GNPDA2: variants seen among roughly 807,000 people sequenced by gnomAD.
GNPDA2 encodes glucosamine-6-phosphate deaminase 2.
A neutral mutation model predicts 27.0 loss-of-function variants in GNPDA2; 24 were observed. The observed-to-expected ratio is 0.89, with a 90% CI of 0.64 to 1.25. GNPDA2 has a LOEUF of 1.25. Ranked by LOEUF, GNPDA2 falls within the 50% of genes most tolerant of loss-of-function variation. The pLI is 0.00. For missense variants in GNPDA2, 286 were observed against 335.1 expected (o/e 0.85, Z 1.14); for synonymous variants, 94 against 108.4 (o/e 0.87, Z 0.83).
intron 2 of GNPDA2, among the ~76,000 whole-genome samples, chr4:44,721,056 GA>G (rs11345999): frequency 0.53 from 77,125 of 144,550 alleles, 21,253 homozygotes; most frequent in Non-Finnish European, 0.64. Flanking sequence ...TGTGTCCAGT[GA>G]AAAAAAAAAA....
chr4:44,717,533 AAC>A (rs1254171750), intron 3 of GNPDA2, among the ~76,000 whole-genome samples: 4 of 151,840 alleles, frequency 2.6e-5, no homozygotes, highest in African/African-American at 7.2e-5. Context: ...GAACAATTGA[AAC>A]ACAAGAATCT....
chr4:44,710,727 A>G (rs1019306074), intron 5 of GNPDA2, among the ~76,000 whole-genome samples: 28 of 152,178 alleles, frequency 1.8e-4, no homozygotes, highest in African/African-American at 6.8e-4. Context: ...GTGAAATAGT[A>G]CCTCAAAAGT....
intron 4 of GNPDA2, among the ~76,000 whole-genome samples, chr4:44,715,789 C>T (rs1203172558): frequency 6.6e-6 from 1 of 152,002 alleles, no homozygotes; most frequent in African/African-American, 2.4e-5. Flanking sequence ...CTCCAATAAA[C>T]AACCATTCTA....
chr4:44,704,464 T>C (rs1048658070), intron 6 of GNPDA2: 2 of 838,614 alleles, frequency 2.4e-6, no homozygotes, highest in African/African-American at 3.7e-5. Flanking sequence ...TCAGTAAATA[T>C]TAAAAATTCA....
At chr4:44,711,251 C>A in intron 4 of GNPDA2, 114 bp from the exon 5 acceptor site, 1 of 542,802 alleles carries the variant, frequency 1.8e-6, no homozygotes, top group South Asian at 5.0e-5. Flanking sequence ...ACTTGAATTC[C>A]TATTACTGCA....
intron 1 of GNPDA2, 28 bp from the exon 2 acceptor site, chr4:44,722,270 T>A (rs1486101866): frequency 6.5e-7 from 1 of 1,536,198 alleles, no homozygotes; most frequent in East Asian, 2.3e-5. Context: ...TAGAACACTT[T>A]ACATAATAAA....
intron 6 of GNPDA2, chr4:44,704,291 T>C (rs564812897): frequency 2.0e-6 from 2 of 983,190 alleles, no homozygotes; most frequent in Non-Finnish European, 1.2e-6. Flanking sequence ...ACAACAAAGA[T>C]AAGGGTAATA....
At chr4:44,710,497 T>C (rs1315990926) in intron 5 of GNPDA2, among the ~76,000 whole-genome samples, 1 of 152,198 alleles carries the variant, frequency 6.6e-6, no homozygotes, top group Non-Finnish European at 1.5e-5. Context: ...GTTGCAGCCC[T>C]AGCTGAGTTC....
chr4:44,706,638 A>AC (rs1716623683), intron 6 of GNPDA2: 1 of 151,878 alleles, frequency 6.6e-6, no homozygotes, highest in Non-Finnish European at 1.5e-5. Context: ...TGTAAGACAC[A>AC]CCATTTTATG....
Position 44,702,001 on chromosome 4 carries a change from T to C in GNPDA2, c.*1080A>G. On this transcript the variant is annotated 3_prime_UTR_variant, in exon 7 of 7. Coordinates refer to ENST00000295448, the MANE Select transcript of GNPDA2 (RefSeq NM_138335.3). ...TGCAAAATAAGCAAAAGGAGCATTT[T>C]TTTGCTCCCCACAGAGGCAAAGACA... The C allele has an allele frequency of 1.0e-6, 1 of 985,268 alleles. No individual in the cohort carries two copies. The highest frequency in any genetic ancestry group is 1.2e-6 in the Non-Finnish European group (1 of 829,644). 61.0% of individuals were successfully genotyped at this position (985,268 alleles called of 1,614,324 possible).
chr4:44,714,595 C>G, intron 4 of GNPDA2: 3 of 981,278 alleles, frequency 3.1e-6, no homozygotes, highest in Non-Finnish European at 3.6e-6. Context: ...TTCAACTTTA[C>G]CTTTAATAAA....
chr4:44,717,198 G>T lies in GNPDA2; in HGVS notation c.324C>A (p.Asp108Glu). Residue 108 changes from aspartate (D) to glutamate (E), a missense_variant, in exon 4 of 7, where the codon GAC becomes GAA. Transcript: ENST00000295448. ...DIDPNNAHIL[D>E]GNAADLQAEC... ...CTGCTTGTAAATCTGCAGCATTCCCGTCAAGGATATGTGCATTATTAGGAT... is the reference window on the plus strand; with the variant it reads ...CTGCTTGTAAATCTGCAGCATTCCCTTCAAGGATATGTGCATTATTAGGAT... The T allele has an allele frequency of 6.2e-7, 1 of 1,604,868 alleles. No individual in the cohort carries two copies. Among genetic ancestry groups the T allele is most frequent in the Non-Finnish European group, 8.5e-7 (1 of 1,173,832 alleles).
Position 44,707,907 on chromosome 4 carries a change from CCT to C in GNPDA2, c.612_613del (p.Ala206ThrfsTer35), listed in dbSNP as rs749990000. ...GTACAGGGCAAATGCCTTGTGTGCC[CCT>C]GTTATAAGGATCATTACCTGAAAAA... On this transcript the variant is annotated frameshift_variant, in exon 6 of 7. Coordinates refer to ENST00000295448, the MANE Select transcript of GNPDA2 (RefSeq NM_138335.3). LOFTEE classifies it high-confidence loss of function. 12 of 1,599,506 alleles carry C rather than the reference CCT, an allele frequency of 7.5e-6. No individual in the cohort carries two copies. The highest frequency in any genetic ancestry group is 1.7e-4 in the Middle Eastern group (1 of 6,026).
intron 6 of GNPDA2, chr4:44,703,411 T>C (rs1180069806): frequency 1.7e-6 from 2 of 1,175,782 alleles, no homozygotes; most frequent in Non-Finnish European, 2.1e-6. Context: ...GCATTTCTTG[T>C]CTTCAAAGAG....
chr4:44,711,571 C>T (rs977155187), intron 4 of GNPDA2, among the ~76,000 whole-genome samples: 4 of 152,078 alleles, frequency 2.6e-5, no homozygotes, highest in African/African-American at 9.7e-5. Context: ...TGGGTAAATA[C>T]TGAGACAGGA....
Position 44,702,960 on chromosome 4 carries a change from A to C in GNPDA2, c.*121T>G. The C allele has an allele frequency of 6.5e-7, 1 of 1,533,512 alleles. No individual in the cohort carries two copies. Among genetic ancestry groups the C allele is most frequent in the African/African-American group, 1.4e-5 (1 of 71,422 alleles). 95.0% of individuals were successfully genotyped at this position (1,533,512 alleles called of 1,614,324 possible). ...ATGGAATGTTTAACATAGAGACTCGAATGAAAAAATGACAATCTTCAAAAT... is the reference window on the plus strand; with the variant it reads ...ATGGAATGTTTAACATAGAGACTCGCATGAAAAAATGACAATCTTCAAAAT... On this transcript the variant is annotated 3_prime_UTR_variant, in exon 7 of 7. Transcript: ENST00000295448.
intron 3 of GNPDA2, 72 bp downstream of exon 3, chr4:44,718,237 C>G: frequency 1.7e-6 from 1 of 597,120 alleles, no homozygotes; most frequent in African/African-American, 2.0e-5. Flanking sequence ...TACTTGTATT[C>G]TAAAACTACA....
chr4:44,703,773 G>A (rs912816256), intron 6 of GNPDA2: 1 of 985,120 alleles, frequency 1.0e-6, no homozygotes, highest in Non-Finnish European at 1.2e-6. Context: ...TATACTTGCA[G>A]ACTGCTCTTA....
intron 4 of GNPDA2, among the ~76,000 whole-genome samples, chr4:44,716,596 A>G (rs1216694521): frequency 1.3e-5 from 2 of 151,948 alleles, no homozygotes; most frequent in Non-Finnish European, 2.9e-5. Context: ...ACAATTATAC[A>G]GCTTAACTCA....
Sources: allele counts gnomAD v4.1 joint callset (sites outside exome capture counted in the v4.1 genomes callset), GRCh38; gene constraint gnomAD v4.1.1; transcripts MANE v1.5; gene names NCBI Gene and HGNC (gene_info 2026-07-23, HGNC 2026-07-21).